Variants in DAB1 observed in about 807,000 individuals in gnomAD.
DAB1 encodes DAB adaptor protein 1.
Under a neutral mutation model 64.6 loss-of-function variants are expected in DAB1, and 15 were observed. That is an observed-to-expected ratio of 0.23 (90% CI 0.16 to 0.36). The LOEUF is 0.36. DAB1 is among the 10% of genes least tolerant of loss of function. The probability of loss-of-function intolerance (pLI) is 1.00; values close to 1 mark genes in which losing one functional copy is unlikely to be tolerated. For missense variants in DAB1, 596 were observed against 706.7 expected, an observed-to-expected ratio of 0.84 and a Z score of 1.78; for synonymous variants, 235 against 251.9, an observed-to-expected ratio of 0.93 and a Z score of 0.64.
chr1:58,279,443 G>A (rs978685097), intron 4 of DAB1, among the ~76,000 whole-genome samples: 2 of 152,182 alleles, frequency 1.3e-5, no homozygotes, highest in African/African-American at 4.8e-5. Flanking sequence ...GAAAGAGATT[G>A]TAAGGTGAGA....
Position 58,051,880 on chromosome 1 carries a change from C to T in DAB1, n.387+98631G>A, listed in dbSNP as rs189082599. Among the ~76,000 whole-genome samples, 761 of 152,266 alleles carry T rather than the reference C, an allele frequency of 5.0e-3. 11 individuals are homozygous for T. The highest frequency in any genetic ancestry group is 0.037 in the Admixed American group (571 of 15,298). On this transcript the variant is annotated intron_variant and non_coding_transcript_variant, in intron 5 of 20. Coordinates refer to the DAB1 transcript ENST00000485760. Reference sequence around the variant, plus strand: ...AGTGTCTGTTCATATCCTTTGTCAACTTTTTGATGGGGTTGTTTTTTTCTT... The same window carrying T: ...AGTGTCTGTTCATATCCTTTGTCAATTTTTTGATGGGGTTGTTTTTTTCTT...
intron 4 of DAB1, among the ~76,000 whole-genome samples, chr1:58,287,023 A>C (rs1271118910): frequency 6.6e-6 from 1 of 152,244 alleles, no homozygotes; most frequent in Non-Finnish European, 1.5e-5. Flanking sequence ...TTGCAGGGAC[A>C]TAGATGGAGC....
chr1:58,137,157 C>T (rs1170912013), intron 5 of DAB1, among the ~76,000 whole-genome samples: 2 of 152,016 alleles, frequency 1.3e-5, no homozygotes, highest in Non-Finnish European at 2.9e-5. Flanking sequence ...AAATATATTG[C>T]TCTACTTTCT....
intron 4 of DAB1, among the ~76,000 whole-genome samples, chr1:58,171,373 AG>A: frequency 6.6e-6 from 1 of 152,366 alleles, no homozygotes; most frequent in Non-Finnish European, 1.5e-5. Flanking sequence ...TAAAAGCTCA[AG>A]GCTTAGTAAG....
intron 1 of DAB1, among the ~76,000 whole-genome samples, chr1:57,377,507 T>C (rs1681004665): frequency 6.6e-6 from 1 of 152,112 alleles, no homozygotes; most frequent in African/African-American, 2.4e-5. Flanking sequence ...ACATAAACAT[T>C]GAGAATCATA....
chr1:58,321,800 CT>C (rs1320993300), intron 4 of DAB1, among the ~76,000 whole-genome samples: 2 of 152,266 alleles, frequency 1.3e-5, no homozygotes, highest in South Asian at 2.1e-4. Context: ...TCTGCAAGGC[CT>C]GCTGCCTCTG....
intron 5 of DAB1, among the ~76,000 whole-genome samples, chr1:57,960,220 C>A (rs935400309): frequency 6.6e-6 from 1 of 152,168 alleles, no homozygotes; most frequent in Non-Finnish European, 1.5e-5. Flanking sequence ...GCTTTGGAGT[C>A]AGAAAGCCCT....
chr1:57,098,467 T>C (rs896075859), intron 4 of DAB1, among the ~76,000 whole-genome samples: 2 of 152,176 alleles, frequency 1.3e-5, no homozygotes, highest in South Asian at 2.1e-4. Context: ...TACCATCTAA[T>C]TGGAGTCTTG....
intron 7 of DAB1, among the ~76,000 whole-genome samples, chr1:57,431,643 C>A (rs1214079223): frequency 6.6e-6 from 1 of 152,186 alleles, no homozygotes; most frequent in Non-Finnish European, 1.5e-5. Flanking sequence ...AGCAGCAACA[C>A]TGGCAATTGT....
intron 12 of DAB1, among the ~76,000 whole-genome samples, chr1:57,012,095 T>C (rs1646284420): frequency 6.6e-6 from 1 of 152,194 alleles, no homozygotes; most frequent in South Asian, 2.1e-4. Context: ...TTTAATAAAT[T>C]CTAATTTGTC....
intron 6 of DAB1, among the ~76,000 whole-genome samples, chr1:57,790,505 T>TACA (rs1455392061): frequency 6.6e-6 from 1 of 152,040 alleles, no homozygotes; most frequent in Non-Finnish European, 1.5e-5. Flanking sequence ...AAGGAACTAA[T>TACA]ACATCCTCCA....
rs754493285 is a variant in DAB1 at position 58,168,927 on chromosome 1, C to T, written n.310-18339G>A. Among the ~76,000 whole-genome samples, 48 of 152,276 alleles carry T rather than the reference C, an allele frequency of 3.2e-4. No individual in the cohort carries two copies. The South Asian group carries it at 5.0e-3, about 16-fold the overall frequency. On this transcript the variant is annotated intron_variant and non_coding_transcript_variant, in intron 4 of 20. Transcript: ENST00000485760. Reference sequence around the variant, plus strand: ...AAGGGCCACTAAATCCGATTTTTCTCGGTCCTCTTTGTGGTCTAGGAGGAC... The same window carrying T: ...AAGGGCCACTAAATCCGATTTTTCTTGGTCCTCTTTGTGGTCTAGGAGGAC...
At chr1:57,039,395 T>G (rs1352835443) in intron 9 of DAB1, among the ~76,000 whole-genome samples, 1 of 152,180 alleles carries the variant, frequency 6.6e-6, no homozygotes, top group African/African-American at 2.4e-5. Context: ...TGGAATTATT[T>G]GCTTGGTAGG....
At chr1:58,423,451 G>A (rs1644791941) in intron 3 of DAB1, among the ~76,000 whole-genome samples, 1 of 152,196 alleles carries the variant, frequency 6.6e-6, no homozygotes. Context: ...ACTGGAGGTA[G>A]ACTTAGGCTT....
chr1:57,098,936 T>C (rs1328366883), intron 4 of DAB1, among the ~76,000 whole-genome samples: 2 of 152,218 alleles, frequency 1.3e-5, no homozygotes, highest in Non-Finnish European at 2.9e-5. Flanking sequence ...AATAGTCAGA[T>C]AGACCTGGGT....
intron 4 of DAB1, among the ~76,000 whole-genome samples, chr1:57,133,042 C>T (rs1325995588): frequency 1.3e-5 from 2 of 152,148 alleles, no homozygotes; most frequent in South Asian, 2.1e-4. Context: ...CCCTGGCTTT[C>T]CCATCTGCCA....
intron 2 of DAB1, among the ~76,000 whole-genome samples, chr1:57,226,607 A>G (rs1667269388): frequency 6.6e-6 from 1 of 151,190 alleles, no homozygotes; most frequent in South Asian, 2.1e-4. Flanking sequence ...TCTTCAACCT[A>G]AAAACAAGAG....
intron 7 of DAB1, among the ~76,000 whole-genome samples, chr1:57,511,982 G>T (rs1250983334): frequency 1.3e-5 from 2 of 152,104 alleles, no homozygotes; most frequent in African/African-American, 2.4e-5. Context: ...GCCAGATACA[G>T]TGTCAAGTGT....
intron 5 of DAB1, among the ~76,000 whole-genome samples, chr1:58,145,849 C>T (rs959325155): frequency 2.2e-4 from 34 of 152,176 alleles, no homozygotes; most frequent in African/African-American, 7.5e-4. Context: ...AGAAAGGACA[C>T]GCAATATGGG....
Sources: gnomAD v4.1 joint callset for allele counts (sites outside exome capture counted in the v4.1 genomes callset) on GRCh38, gnomAD v4.1.1 for gene constraint, MANE v1.5 for transcripts, NCBI Gene and HGNC (gene_info 2026-07-23, HGNC 2026-07-21) for gene names.